RAD51AP2: variants seen among roughly 807,000 people sequenced by gnomAD.
The protein encoded by RAD51AP2 is RAD51 associated protein 2, also known as RAD51-associated protein 2.
In RAD51AP2, 67 loss-of-function variants were observed where a neutral mutation model predicts 85.5. The ratio of observed to expected loss-of-function variants is 0.78; its 90% confidence interval spans 0.64 to 0.96. The LOEUF (loss-of-function observed/expected upper bound fraction) is 0.96. Ranked by LOEUF, RAD51AP2 falls within the 40% of genes least tolerant of loss-of-function variation. The pLI, the probability that RAD51AP2 is intolerant of heterozygous loss-of-function variation, is 0.00. For synonymous variants in RAD51AP2, 474 were observed against 446.5 expected (o/e 1.06, Z -0.78); for missense variants, 1,307 against 1,332.4 (o/e 0.98, Z 0.30).
rs762978033 is a variant in RAD51AP2 at position 17,518,279 on chromosome 2, T to G, written c.137A>C (p.Lys46Thr). 6.2e-7 allele frequency: 1 copy of G among 1,614,168 alleles called. No homozygotes were observed. ...LCLEEPGGVFKAGWRLPLVPR... is the reference protein window; with the variant it reads ...LCLEEPGGVFTAGWRLPLVPR... Reference sequence around the variant, plus strand: ...CACCAGAGGCAGTCGCCAGCCCGCCTTAAAGACACCTCCAGGCTCCTCAAG... The same window carrying G: ...CACCAGAGGCAGTCGCCAGCCCGCCGTAAAGACACCTCCAGGCTCCTCAAG... The change falls in exon 1 of 3, where the codon AAG becomes ACG. Residue 46 changes from lysine (K) to threonine (T), a missense_variant. Physicochemically the swap from Lys to Thr is moderately conservative, Grantham distance 78 (BLOSUM62 -1). Around this residue, in one of 3 missense-constraint regions of RAD51AP2, gnomAD observed 635 missense variants for 643.6 expected, o/e 0.99. Transcript: ENST00000399080.
chr2:17,518,568 C>A, upstream of RAD51AP2: 1 of 910,106 alleles, frequency 1.1e-6, no homozygotes, highest in South Asian at 1.8e-5. Context: ...TCCGCCCCTC[C>A]ACAGCCCCAG....
chr2:17,524,893 G>A, the RAD51AP2 span, among the ~76,000 whole-genome samples: 1 of 151,796 alleles, frequency 6.6e-6, no homozygotes, highest in Non-Finnish European at 1.5e-5. Context: ...GCTTCACAGA[G>A]GAAAGGATTG....
Position 17,516,181 on chromosome 2 carries a change from G to T in RAD51AP2, c.2235C>A (p.Asn745Lys). The T allele has an allele frequency of 6.2e-7, 1 of 1,613,120 alleles. No homozygotes were observed. Among genetic ancestry groups the T allele is most frequent in the Non-Finnish European group, 8.5e-7 (1 of 1,179,542 alleles). Residue 745 changes from asparagine (N) to lysine (K), a missense_variant, in exon 1 of 3, where the codon AAC becomes AAA. Asn to Lys is a moderately conservative substitution (Grantham distance 94). Transcript: ENST00000399080. ...GNSCPQFIQNNRGYINENFYE... is the reference protein window; with the variant it reads ...GNSCPQFIQNKRGYINENFYE... ...AAAAATTTTCATTAATGTATCCTCG[G>T]TTGTTCTGTATAAATTGAGGACAAG...
At chr2:17,533,115 C>T in the RAD51AP2 span, among the ~76,000 whole-genome samples, 4 of 152,144 alleles carry the variant, frequency 2.6e-5, no homozygotes, top group African/African-American at 9.7e-5. Context: ...TCTTTATACT[C>T]CTCCTTTGTC....
chr2:17,533,292 T>C, the RAD51AP2 span, among the ~76,000 whole-genome samples: 1 of 152,236 alleles, frequency 6.6e-6, no homozygotes, highest in South Asian at 2.1e-4. Flanking sequence ...AAGAAACATG[T>C]CCAGCAGTTA....
chr2:17,513,666 T>C (rs1486845633), intron 2 of RAD51AP2, among the ~76,000 whole-genome samples: 1 of 152,200 alleles, frequency 6.6e-6, no homozygotes, highest in Non-Finnish European at 1.5e-5. Flanking sequence ...ATGAGAAGCA[T>C]AGAGCATGCT....
rs750303894 is a variant in RAD51AP2 at position 17,517,862 on chromosome 2, T to C, written c.554A>G (p.Asn185Ser). ...RKQQFVQGRD[N>S]VHKENPFLDV... ...TAAAAATGGATTTTCTTTGTGAACA[T>C]TGTCTCTTCCTTGGACAAACTGTTG... The change falls in exon 1 of 3, where the codon AAT becomes AGT. Residue 185 changes from asparagine to serine, a missense_variant. Physicochemically the swap from Asn to Ser is conservative, Grantham distance 46. Coordinates refer to ENST00000399080, the MANE Select transcript of RAD51AP2 (RefSeq NM_001099218.3). 22 of 1,613,980 alleles carry C rather than the reference T, an allele frequency of 1.4e-5. No individual in the cohort carries two copies. Among genetic ancestry groups the C allele is most frequent in the South Asian group, 8.8e-5 (8 of 91,074 alleles).
At position 17,517,920 on chromosome 2, in the gene RAD51AP2, C is replaced by G. The variant is rs1403092245; in HGVS notation, c.496G>C (p.Asp166His). The G allele has an allele frequency of 6.2e-7, 1 of 1,613,954 alleles. No homozygotes were observed. The highest frequency in any genetic ancestry group is 1.3e-5 in the African/African-American group (1 of 74,862). Reference protein sequence around the residue: ...SQLLPSTSIHDIHGIRNENRK... With the variant: ...SQLLPSTSIHHIHGIRNENRK... ...TTCTCATTTCTAATTCCATGTATAT[C>G]GTGTATAGAGGTGCTGGGCAGAAGT... Residue 166 changes from aspartate to histidine, a missense_variant, in exon 1 of 3, where the codon GAT (aspartate) becomes CAT (histidine). Asp to His is a moderately conservative substitution (Grantham distance 81). Coordinates refer to ENST00000399080, the MANE Select transcript of RAD51AP2 (RefSeq NM_001099218.3).
rs773063106 is a variant in RAD51AP2 at position 17,518,367 on chromosome 2, T to C, written c.49A>G (p.Thr17Ala). The C allele has an allele frequency of 1.9e-6, 3 of 1,613,404 alleles. No homozygotes were observed. The highest frequency in any genetic ancestry group is 2.2e-5 in the South Asian group (2 of 91,038). ...TCCTCAGGAGGCGTTAAAGAGGAGG[T>C]AGGCTTTCTGAGCTCGGCCATCCGC... ...TPRMAELRKP[T>A]SSLTPPEDPD... Residue 17 changes from threonine to alanine, a missense_variant, in exon 1 of 3, where the codon ACC (threonine) becomes GCC (alanine). Thr to Ala is a moderately conservative substitution (Grantham distance 58). This residue lies in a region of RAD51AP2 where 635 missense variants were observed against 643.6 expected (regional missense o/e 0.99). Transcript: ENST00000399080.
the RAD51AP2 span, among the ~76,000 whole-genome samples, chr2:17,527,981 A>C: frequency 1.3e-5 from 2 of 152,346 alleles, no homozygotes; most frequent in African/African-American, 4.8e-5. Flanking sequence ...ATATTGTTCT[A>C]ACTATATATC....
At chr2:17,535,050 C>T in the RAD51AP2 span, among the ~76,000 whole-genome samples, 5 of 152,148 alleles carry the variant, frequency 3.3e-5, no homozygotes, top group East Asian at 9.6e-4. Flanking sequence ...TTAAATAGAG[C>T]TTCCTAGTTA....
chr2:17,511,346 T>C (rs1662489320), intron 2 of RAD51AP2, among the ~76,000 whole-genome samples: 1 of 152,204 alleles, frequency 6.6e-6, no homozygotes, highest in African/African-American at 2.4e-5. Flanking sequence ...ATGGTTATGT[T>C]TGGTTTCTAA....
At chr2:17,514,217 T>A (rs1662578553) in intron 1 of RAD51AP2, 125 bp from the exon 2 acceptor site, 1 of 737,958 alleles carries the variant, frequency 1.4e-6, no homozygotes, top group African/African-American at 1.8e-5. Flanking sequence ...AAAAATGAAG[T>A]AGGACTCTTC....
At chr2:17,533,045 C>G in the RAD51AP2 span, among the ~76,000 whole-genome samples, 1 of 152,172 alleles carries the variant, frequency 6.6e-6, no homozygotes, top group African/African-American at 2.4e-5. Flanking sequence ...GCAAAAGCAA[C>G]TCTTCCAAAT....
chr2:17,537,647 TAG>T, the RAD51AP2 span, among the ~76,000 whole-genome samples: 1 of 152,320 alleles, frequency 6.6e-6, no homozygotes, highest in Middle Eastern at 3.4e-3. Flanking sequence ...ACTATGAGCT[TAG>T]ACCTGTTACA....
At chr2:17,529,501 G>A in the RAD51AP2 span, among the ~76,000 whole-genome samples, 1 of 151,966 alleles carries the variant, frequency 6.6e-6, no homozygotes, top group Non-Finnish European at 1.5e-5. Flanking sequence ...AAAAGAAAGA[G>A]TAATTAATCA....
At chr2:17,533,285 A>C in the RAD51AP2 span, among the ~76,000 whole-genome samples, 1 of 152,252 alleles carries the variant, frequency 6.6e-6, no homozygotes, top group Non-Finnish European at 1.5e-5. Flanking sequence ...CAAATGCAAG[A>C]AACATGTCCA....
the RAD51AP2 span, among the ~76,000 whole-genome samples, chr2:17,532,226 T>A: frequency 6.6e-6 from 1 of 152,160 alleles, no homozygotes. Context: ...AACAAAAATG[T>A]ATTCTCCCAC....
At chr2:17,526,340 C>T in the RAD51AP2 span, among the ~76,000 whole-genome samples, 3 of 144,308 alleles carry the variant, frequency 2.1e-5, no homozygotes, top group South Asian at 2.1e-4. Flanking sequence ...TAGGTATAGG[C>T]TTGTAGTCAT....
Sources: gnomAD v4.1 joint callset for allele counts (sites outside exome capture counted in the v4.1 genomes callset) on GRCh38, gnomAD v4.1.1 for gene constraint, gnomAD v4.1.1 regional missense constraint, MANE v1.5 for transcripts, NCBI Gene and HGNC (gene_info 2026-07-23, HGNC 2026-07-21) for gene names.